The following PDE4DIP variants were observed in gnomAD, a reference collection of about 807,000 sequenced individuals.
PDE4DIP encodes phosphodiesterase 4D interacting protein.
PDE4DIP carries 59 observed loss-of-function variants against 221.4 expected under a neutral mutation model. The ratio of observed to expected loss-of-function variants is 0.27; its 90% CI spans 0.22 to 0.33. PDE4DIP has a LOEUF of 0.33. Ranked by LOEUF, PDE4DIP falls within the 10% of genes least tolerant of loss-of-function variation. The pLI, the probability that PDE4DIP is intolerant of heterozygous loss-of-function variation, is 1.00. For missense variants in PDE4DIP, 1,036 were observed against 2,154.2 expected, an observed-to-expected ratio of 0.48 and a Z score of 10.28; for synonymous variants, 404 against 815.9, an observed-to-expected ratio of 0.50 and a Z score of 8.60.
chr1:148,948,852 T>G (rs1229677955), intron 5 of PDE4DIP, among the ~76,000 whole-genome samples: 1 of 152,094 alleles, frequency 6.6e-6, no homozygotes, highest in African/African-American at 2.4e-5. Context: ...TCTCTCACCG[T>G]TCAACCACTT....
At position 148,953,659 on chromosome 1, in the gene PDE4DIP, C is replaced by T. The variant is rs140994384; in HGVS notation, c.637-6995C>T. 295 of 1,442,728 alleles carry T rather than the reference C, an allele frequency of 2.0e-4. 1 individual carries two copies. The African/African-American group carries it at 3.4e-3, about 17-fold the overall frequency. 89.4% of individuals were successfully genotyped at this position (1,442,728 alleles called of 1,614,324 possible). ...ATCACAAGCTGGAATTAGCTCTTAG[C>T]ATGATTAAAGGTCTTGATTATAAGC... On this transcript the variant is annotated intron_variant, in intron 5 of 43. Coordinates refer to ENST00000369354, the Ensembl canonical transcript of PDE4DIP.
chr1:149,023,753 CATATAT>C (rs1451650359), intron 37 of PDE4DIP, among the ~76,000 whole-genome samples: 2 of 105,384 alleles, frequency 1.9e-5, no homozygotes. Flanking sequence ...TATGTGTGCA[CATATAT>C]ATGTACATGT....
At chr1:148,923,567 G>T (rs1177979273) in intron 1 of PDE4DIP, among the ~76,000 whole-genome samples, 7 of 142,174 alleles carry the variant, frequency 4.9e-5, no homozygotes, top group Non-Finnish European at 9.1e-5. Flanking sequence ...TCCGCCTCCC[G>T]GGTTCACGCC....
In PDE4DIP at chr1:148,821,523, G is replaced by A. The variant is rs1211721196; in HGVS notation, c.233+12786G>A. On this transcript the variant is annotated intron_variant, in intron 1 of 45. Transcript: ENST00000524974. ...ATAAAGTTTATTTTAAAAAAATTTCGTTAGAGAGGAATTAAAGCAGGAGGT... is the reference window on the plus strand; with the variant it reads ...ATAAAGTTTATTTTAAAAAAATTTCATTAGAGAGGAATTAAAGCAGGAGGT... Among the ~76,000 whole-genome samples the A allele has an allele frequency of 1.3e-4, 19 of 150,406 alleles. 3 individuals carry two copies. The highest frequency in any genetic ancestry group is 1.3e-3 in the Admixed American group (19 of 15,178).
chr1:148,920,107 T>A (rs587646881), intron 1 of PDE4DIP, among the ~76,000 whole-genome samples: 119 of 145,984 alleles, frequency 8.2e-4, no homozygotes, highest in Non-Finnish European at 1.4e-3. Context: ...CAAGATTTTT[T>A]AAAAACTATT....
At chr1:149,029,280 G>A (rs1247669511) in intron 41 of PDE4DIP, among the ~76,000 whole-genome samples, 1 of 152,116 alleles carries the variant, frequency 6.6e-6, no homozygotes, top group Non-Finnish European at 1.5e-5. Flanking sequence ...CCCTCCCCAG[G>A]GATTCTACTT....
At chr1:148,937,554 GTTGT>G (rs1284068128) in intron 4 of PDE4DIP, among the ~76,000 whole-genome samples, 189 bp from the exon 8 acceptor site, 1 of 152,136 alleles carries the variant, frequency 6.6e-6, no homozygotes, top group Non-Finnish European at 1.5e-5. Flanking sequence ...TAAGCAAAAA[GTTGT>G]TTGTGTATAT....
intron 32 of PDE4DIP, among the ~76,000 whole-genome samples, chr1:149,016,021 C>G (rs1247904342): frequency 7.0e-6 from 1 of 143,656 alleles, no homozygotes; most frequent in Non-Finnish European, 1.5e-5. Flanking sequence ...ATAGTAGGAT[C>G]CAGGAGTGGG....
At chr1:149,014,945 G>C (rs1325145988) in intron 32 of PDE4DIP, among the ~76,000 whole-genome samples, 2 of 152,108 alleles carry the variant, frequency 1.3e-5, no homozygotes, top group Non-Finnish European at 2.9e-5. Flanking sequence ...AAAGTAAGCT[G>C]ACTATCTGCA....
chr1:148,979,126 C>G (rs146743884), intron 19 of PDE4DIP, among the ~76,000 whole-genome samples: 1,732 of 152,090 alleles, frequency 0.011, 17 homozygotes, highest in Non-Finnish European at 0.019. Context: ...CAATGCCAGA[C>G]TTTTCCAAAA....
In PDE4DIP at chr1:148,977,917, A is replaced by G. The variant is rs781941539; in HGVS notation, c.2320-20A>G. The stretch of plus-strand genomic sequence containing the variant: ...GTGTTAAAATGTAAACATGGCAGAC[A>G]TTGTTTCCTCTTTTCACAGATGGAA... On this transcript the variant is annotated intron_variant, in intron 17 of 43. Coordinates refer to ENST00000369354, the Ensembl canonical transcript of PDE4DIP. 37 of 1,608,974 alleles carry G rather than the reference A, an allele frequency of 2.3e-5. No individual in the cohort carries two copies. Among genetic ancestry groups the G allele is most frequent in the Non-Finnish European group, 2.2e-5 (26 of 1,178,422 alleles).
At chr1:149,005,081 C>T (rs148777165) in exon 27 of PDE4DIP, 3 of 1,613,428 alleles carry the variant, frequency 1.9e-6, no homozygotes, top group Non-Finnish European at 2.5e-6. Flanking sequence ...ACATCTTGGT[C>T]CTACGAAAGG....
intron 13 of PDE4DIP, among the ~76,000 whole-genome samples, chr1:148,968,186 G>T (rs1465097718): frequency 6.6e-6 from 1 of 151,566 alleles, no homozygotes. Context: ...TTCATGCTGG[G>T]TCAGGTACTG....
chr1:148,977,785 T>C (rs1315796707), intron 17 of PDE4DIP, 152 bp from the exon 21 acceptor site: 19 of 1,186,422 alleles, frequency 1.6e-5, no homozygotes, highest in Non-Finnish European at 2.2e-5. Context: ...CCTTTGTTAC[T>C]ATACTGCATG....
intron 21 of PDE4DIP, among the ~76,000 whole-genome samples, chr1:148,988,255 C>T (rs1353964780): frequency 6.6e-6 from 1 of 150,714 alleles, no homozygotes; most frequent in Non-Finnish European, 1.5e-5. Context: ...AACTTATAAG[C>T]CCATGGACTA....
At chr1:148,941,186 A>G (rs1460382330) in intron 5 of PDE4DIP, among the ~76,000 whole-genome samples, 1 of 84,028 alleles carries the variant, frequency 1.2e-5, no homozygotes. Flanking sequence ...GTGATAAATG[A>G]GGAGACAGAA....
At chr1:148,959,456 G>A (rs2056297715) in intron 5 of PDE4DIP, among the ~76,000 whole-genome samples, 2 of 152,142 alleles carry the variant, frequency 1.3e-5, no homozygotes, top group African/African-American at 4.8e-5. Context: ...CCTTGAAAGT[G>A]GTAATCAAGT....
chr1:148,899,138 G>A (rs1340991047), intron 1 of PDE4DIP, among the ~76,000 whole-genome samples: 2 of 121,118 alleles, frequency 1.7e-5, no homozygotes, highest in Non-Finnish European at 3.3e-5. Flanking sequence ...GGTGGGAAAA[G>A]GCATTTCAAA....
chr1:148,903,034 G>C (rs1291407128), intron 1 of PDE4DIP, among the ~76,000 whole-genome samples: 190 of 150,676 alleles, frequency 1.3e-3, no homozygotes, highest in South Asian at 4.8e-3. Flanking sequence ...CAGTGTAGAA[G>C]TGTTCCCTGT....
Sources: allele counts gnomAD v4.1 joint callset (sites outside exome capture counted in the v4.1 genomes callset), GRCh38; gene constraint gnomAD v4.1.1; transcripts MANE v1.5; gene names NCBI Gene and HGNC (gene_info 2026-07-23, HGNC 2026-07-21).